EYS: variants seen among roughly 807,000 people sequenced by gnomAD.
The protein encoded by EYS is EGF-like photoreceptor maintenance factor, also known as protein eyes shut homolog.
EYS carries 250 observed loss-of-function variants against 282.1 expected under a neutral mutation model. That is an observed-to-expected ratio of 0.89 (90% CI 0.80 to 0.98). The LOEUF is 0.98. EYS is among the 50% of genes least tolerant of loss of function. The probability of loss-of-function intolerance (pLI) is 0.00; values close to 1 mark genes in which losing one functional copy is unlikely to be tolerated. For synonymous variants in EYS, 1,355 were observed against 1,282.9 expected (o/e 1.06, Z -1.20); for missense variants, 4,016 against 3,709.0 (o/e 1.08, Z -2.15).
chr6:65,095,051 A>G (rs953257790), intron 12 of EYS, among the ~76,000 whole-genome samples: 12 of 151,420 alleles, frequency 7.9e-5, no homozygotes, highest in Admixed American at 4.6e-4. Flanking sequence ...TGAGACTACT[A>G]TTGGCAATTC....
chr6:64,263,087 C>T (rs1255404769), intron 30 of EYS, among the ~76,000 whole-genome samples: 9 of 151,824 alleles, frequency 5.9e-5, no homozygotes, highest in South Asian at 4.2e-4. Context: ...TGATAGTAAA[C>T]GCTAGTGCAA....
At chr6:65,622,675 A>C (rs1004919254) in intron 2 of EYS, among the ~76,000 whole-genome samples, 2 of 152,230 alleles carry the variant, frequency 1.3e-5, no homozygotes, top group Middle Eastern at 3.4e-3. Flanking sequence ...ATCATTGTTA[A>C]GATTGTTGCA....
At chr6:64,895,419 C>T (rs918882140) in intron 18 of EYS, among the ~76,000 whole-genome samples, 1 of 152,098 alleles carries the variant, frequency 6.6e-6, no homozygotes, top group Admixed American at 6.5e-5. Context: ...TTGGCCTACC[C>T]ATTCAATGAA....
chr6:65,528,264 C>T (rs748663589), intron 2 of EYS, among the ~76,000 whole-genome samples: 5 of 152,092 alleles, frequency 3.3e-5, no homozygotes, highest in East Asian at 1.9e-4. Flanking sequence ...AAGGGGAACA[C>T]AGAAAAAAAT....
intron 26 of EYS, among the ~76,000 whole-genome samples, chr6:64,545,802 T>G (rs2149801900): frequency 6.6e-6 from 1 of 152,224 alleles, no homozygotes; most frequent in East Asian, 1.9e-4. Context: ...TACCTGGGAA[T>G]CCAACTTACA....
At chr6:65,348,020 ACCTCTATCTAGTT>A (rs1352759194) in intron 9 of EYS, among the ~76,000 whole-genome samples, 1 of 151,442 alleles carries the variant, frequency 6.6e-6, no homozygotes, top group African/African-American at 2.4e-5. Flanking sequence ...TAACATAATG[ACCTCTATCTAGTT>A]CCATCCATGT....
chr6:65,679,216 G>T (rs1768733411), intron 1 of EYS, among the ~76,000 whole-genome samples: 1 of 145,090 alleles, frequency 6.9e-6, no homozygotes, highest in African/African-American at 2.7e-5. Context: ...CATGCTCACT[G>T]CACCTTTATT....
intron 31 of EYS, among the ~76,000 whole-genome samples, chr6:64,200,459 A>G (rs1193430165): frequency 6.6e-6 from 1 of 152,138 alleles, no homozygotes; most frequent in Non-Finnish European, 1.5e-5. Context: ...TGTGCTCAAT[A>G]ACAGTTAAAA....
At chr6:64,597,122 T>C (rs992378502) in intron 24 of EYS, among the ~76,000 whole-genome samples, 5 of 152,100 alleles carry the variant, frequency 3.3e-5, no homozygotes, top group Non-Finnish European at 7.4e-5. Context: ...AGCTGCTCAA[T>C]GTCACTAATC....
At chr6:64,881,867 TTAAA>T (rs1304420007) in intron 19 of EYS, among the ~76,000 whole-genome samples, 5 of 151,874 alleles carry the variant, frequency 3.3e-5, no homozygotes, top group Admixed American at 1.3e-4. Context: ...AAGGGCTTAC[TTAAA>T]TAAACATTGT....
chr6:64,735,933 C>CT (rs1381933137), intron 22 of EYS, among the ~76,000 whole-genome samples: 3 of 151,814 alleles, frequency 2.0e-5, no homozygotes, highest in African/African-American at 7.2e-5. Context: ...TGAAATAGAG[C>CT]TTTTTTGAGT....
intron 29 of EYS, among the ~76,000 whole-genome samples, chr6:64,335,396 C>A (rs1174671721): frequency 1.3e-5 from 2 of 152,024 alleles, no homozygotes; most frequent in Admixed American, 6.6e-5. Flanking sequence ...ACCTCCCTAG[C>A]GTGCCTGCAG....
intron 23 of EYS, among the ~76,000 whole-genome samples, chr6:64,620,312 T>C (rs772393098): frequency 2.0e-5 from 3 of 152,196 alleles, no homozygotes; most frequent in Non-Finnish European, 4.4e-5. Flanking sequence ...GCCGTTTCAA[T>C]GCACCTACGC....
chr6:65,670,671 T>C (rs986659897), intron 1 of EYS, among the ~76,000 whole-genome samples: 6 of 152,048 alleles, frequency 3.9e-5, no homozygotes, highest in Admixed American at 1.3e-4. Context: ...AATCAGACCT[T>C]ATTTCAAGAA....
intron 30 of EYS, among the ~76,000 whole-genome samples, chr6:64,240,371 C>T (rs1271247253): frequency 6.6e-6 from 1 of 152,182 alleles, no homozygotes; most frequent in African/African-American, 2.4e-5. Context: ...GATATTGCTA[C>T]TTCCTATCCA....
chr6:65,516,937 C>G (rs1199403352), intron 2 of EYS, among the ~76,000 whole-genome samples: 1 of 151,992 alleles, frequency 6.6e-6, no homozygotes, highest in Non-Finnish European at 1.5e-5. Context: ...TTAACACACA[C>G]TTTTCAACTA....
intron 26 of EYS, among the ~76,000 whole-genome samples, chr6:64,467,774 C>A (rs1420633546): frequency 6.6e-6 from 1 of 152,018 alleles, no homozygotes; most frequent in Non-Finnish European, 1.5e-5. Context: ...TAAGGGAGTG[C>A]CCACCCCACC....
chr6:64,359,245 T>G (rs1042045457), intron 29 of EYS, among the ~76,000 whole-genome samples: 5 of 151,754 alleles, frequency 3.3e-5, no homozygotes, highest in African/African-American at 1.2e-4. Context: ...GTTCCAATTT[T>G]TAAATAAATT....
intron 30 of EYS, among the ~76,000 whole-genome samples, chr6:64,275,997 A>G (rs1768103974): frequency 6.6e-6 from 1 of 151,822 alleles, no homozygotes; most frequent in Admixed American, 6.6e-5. Flanking sequence ...CTTAAGAGAT[A>G]CATTCCAATC....
Sources: gnomAD v4.1 joint callset for allele counts (sites outside exome capture counted in the v4.1 genomes callset) on GRCh38, gnomAD v4.1.1 for gene constraint, MANE v1.5 for transcripts, NCBI Gene and HGNC (gene_info 2026-07-23, HGNC 2026-07-21) for gene names.